LRRC7: variants seen among roughly 807,000 people sequenced by gnomAD.
The protein encoded by LRRC7 is leucine-rich repeat-containing protein 7.
A neutral mutation model predicts 175.7 loss-of-function variants in LRRC7; 23 were observed. The observed-to-expected ratio is 0.13, with a 90% CI of 0.09 to 0.19. LRRC7 has a LOEUF of 0.19. LRRC7 is among the 10% of genes least tolerant of loss of function. LRRC7 has a pLI of 1.00. For synonymous variants in LRRC7, 685 were observed against 680.9 expected, an observed-to-expected ratio of 1.01 and a Z score of -0.09; for missense variants, 1,354 against 1,904.7, an observed-to-expected ratio of 0.71 and a Z score of 5.38.
chr1:69,875,462 A>G (rs920527829), intron 7 of LRRC7, among the ~76,000 whole-genome samples: 3 of 152,102 alleles, frequency 2.0e-5, no homozygotes, highest in Admixed American at 2.0e-4. Context: ...AAACTTAATC[A>G]GCAGAAGTGA....
At chr1:69,894,839 AG>A (rs1380911023) in intron 7 of LRRC7, among the ~76,000 whole-genome samples, 1 of 152,240 alleles carries the variant, frequency 6.6e-6, no homozygotes, top group Non-Finnish European at 1.5e-5. Flanking sequence ...AGAAGATGTC[AG>A]GGGTATAAAG....
At chr1:69,611,193 T>A (rs1648668434) in intron 1 of LRRC7, among the ~76,000 whole-genome samples, 1 of 152,040 alleles carries the variant, frequency 6.6e-6, no homozygotes, top group African/African-American at 2.4e-5. Flanking sequence ...CACTTTAATA[T>A]ACTTTATTTT....
chr1:69,602,057 T>G (rs1407607428), intron 1 of LRRC7, among the ~76,000 whole-genome samples: 1 of 152,178 alleles, frequency 6.6e-6, no homozygotes, highest in African/African-American at 2.4e-5. Flanking sequence ...TCTTAAGAAG[T>G]TGGAAGGGCA....
At chr1:69,578,798 G>T (rs1451682294) in intron 1 of LRRC7, among the ~76,000 whole-genome samples, 4 of 102,872 alleles carry the variant, frequency 3.9e-5, no homozygotes, top group African/African-American at 1.1e-4. Context: ...GTTGTGGGGT[G>T]GGGGGAGGGG....
At chr1:69,688,338 C>T (rs1316311216) in intron 2 of LRRC7, among the ~76,000 whole-genome samples, 1 of 152,118 alleles carries the variant, frequency 6.6e-6, no homozygotes, top group Admixed American at 6.5e-5. Flanking sequence ...TTATCAGTTC[C>T]TTTTTTGTAA....
At chr1:69,737,643 C>T (rs1174693746) in intron 2 of LRRC7, among the ~76,000 whole-genome samples, 1 of 152,032 alleles carries the variant, frequency 6.6e-6, no homozygotes, top group Non-Finnish European at 1.5e-5. Context: ...CCAGAATTTC[C>T]TTGCCCTAGT....
chr1:69,712,570 A>C (rs1570460775), intron 2 of LRRC7, among the ~76,000 whole-genome samples: 1 of 152,166 alleles, frequency 6.6e-6, no homozygotes, highest in South Asian at 2.1e-4. Flanking sequence ...GCGCCATTGC[A>C]CTCCAGCCTG....
intron 2 of LRRC7, among the ~76,000 whole-genome samples, chr1:69,681,720 T>C (rs1660511617): frequency 6.6e-6 from 1 of 152,108 alleles, no homozygotes; most frequent in Non-Finnish European, 1.5e-5. Context: ...AGGAAAATGT[T>C]TTGATTTATC....
chr1:69,646,156 G>T (rs1654980210), intron 1 of LRRC7, among the ~76,000 whole-genome samples: 1 of 151,992 alleles, frequency 6.6e-6, no homozygotes, highest in South Asian at 2.1e-4. Context: ...GATAATACAT[G>T]CCGTATGTTT....
At chr1:69,852,862 G>T (rs1383283718) in intron 7 of LRRC7, among the ~76,000 whole-genome samples, 3 of 152,116 alleles carry the variant, frequency 2.0e-5, no homozygotes, top group Non-Finnish European at 4.4e-5. Flanking sequence ...AAATGATGAA[G>T]AAGTTACAGT....
chr1:69,853,759 A>G (rs927882786), intron 7 of LRRC7, among the ~76,000 whole-genome samples: 2 of 152,192 alleles, frequency 1.3e-5, no homozygotes, highest in Admixed American at 1.3e-4. Flanking sequence ...AGGGAAGCAG[A>G]CAGCTTTTTC....
At chr1:69,810,108 A>T (rs1570055173) in intron 4 of LRRC7, among the ~76,000 whole-genome samples, 1 of 152,312 alleles carries the variant, frequency 6.6e-6, no homozygotes, top group African/African-American at 2.4e-5. Context: ...AAAAATCACA[A>T]GCATTCCTAT....
In LRRC7 at chr1:70,038,191, A is replaced by G; in HGVS notation, c.2367A>G (p.Ile789Met). 3 of 1,614,140 alleles carry G rather than the reference A, an allele frequency of 1.9e-6. No homozygotes were observed. The highest frequency in any genetic ancestry group is 1.1e-5 in the South Asian group (1 of 91,084). ...GGGAGGCTGTTCCCCCAGGCAATAT[A>G]CCACAGCGTCCTGACCGGCTGCCCA... ...SQREAVPPGNIPQRPDRLPMS... is the reference protein window; with the variant it reads ...SQREAVPPGNMPQRPDRLPMS... Residue 789 changes from isoleucine (I) to methionine (M), a missense_variant, in exon 21 of 27, where the codon ATA becomes ATG. Transcript: ENST00000651989.
intron 7 of LRRC7, among the ~76,000 whole-genome samples, chr1:69,851,092 G>T (rs1246217424): frequency 6.6e-6 from 1 of 152,114 alleles, no homozygotes; most frequent in Non-Finnish European, 1.5e-5. Context: ...AAAAAAATGT[G>T]AGAGGGAGGA....
At chr1:70,066,630 T>A (rs942452490) in intron 23 of LRRC7, among the ~76,000 whole-genome samples, 1 of 152,036 alleles carries the variant, frequency 6.6e-6, no homozygotes, top group African/African-American at 2.4e-5. Flanking sequence ...CATTTACCTA[T>A]GGAAGGATAT....
chr1:69,994,932 A>C (rs1411028538), intron 11 of LRRC7, among the ~76,000 whole-genome samples: 1 of 152,122 alleles, frequency 6.6e-6, no homozygotes, highest in Admixed American at 6.6e-5. Context: ...TTCAGATATT[A>C]TTAGTTTGAT....
chr1:69,770,393 T>A (rs746555365), intron 3 of LRRC7, among the ~76,000 whole-genome samples: 1 of 152,194 alleles, frequency 6.6e-6, no homozygotes, highest in African/African-American at 2.4e-5. Context: ...AGGACACTTA[T>A]TTATTTTGTG....
At chr1:69,898,457 A>C (rs1646040310) in intron 7 of LRRC7, among the ~76,000 whole-genome samples, 2 of 152,248 alleles carry the variant, frequency 1.3e-5, no homozygotes, top group Admixed American at 1.3e-4. Flanking sequence ...CTTTAATGGG[A>C]GGACCTTGAA....
rs1471872287 is a variant in LRRC7 at position 69,705,414 on chromosome 1, A to G, written c.100+26936A>G. Among the ~76,000 whole-genome samples, 5 of 152,080 alleles carry G rather than the reference A, an allele frequency of 3.3e-5. No individual in the cohort carries two copies. The East Asian group carries it at 9.6e-4, about 29-fold the overall frequency. On this transcript the variant is annotated intron_variant, in intron 2 of 26. Coordinates refer to ENST00000651989, the MANE Select transcript of LRRC7 (RefSeq NM_001370785.2). The stretch of plus-strand genomic sequence containing the variant: ...GTCTAGCTAACATCATTGGGACAGG[A>G]TGTGTAATCCTTCTGTTGAAGTCAA...
Sources: gnomAD v4.1 joint callset for allele counts (sites outside exome capture counted in the v4.1 genomes callset) on GRCh38, gnomAD v4.1.1 for gene constraint, MANE v1.5 for transcripts, NCBI Gene and HGNC (gene_info 2026-07-23, HGNC 2026-07-21) for gene names.